The following DPP6 variants were observed in gnomAD, a reference collection of about 807,000 sequenced individuals.
DPP6 encodes dipeptidyl peptidase like 6, also known as A-type potassium channel modulatory protein DPP6.
Under a neutral mutation model 122.6 loss-of-function variants are expected in DPP6, and 69 were observed. The ratio of observed to expected loss-of-function variants is 0.56; its 90% CI spans 0.46 to 0.69. DPP6 has a LOEUF of 0.69. Ranked by LOEUF, DPP6 falls within the 30% of genes least tolerant of loss-of-function variation. The probability of loss-of-function intolerance (pLI) is 0.00; values close to 1 mark genes in which losing one functional copy is unlikely to be tolerated. For missense variants in DPP6, 928 were observed against 1,116.9 expected (o/e 0.83, Z 2.41); for synonymous variants, 418 against 433.1 (o/e 0.97, Z 0.43).
At chr7:154,751,033 C>T (rs1843354514) in intron 8 of DPP6, among the ~76,000 whole-genome samples, 1 of 152,200 alleles carries the variant, frequency 6.6e-6, no homozygotes, top group Non-Finnish European at 1.5e-5. Context: ...TGGGCAAGTA[C>T]TCACAGTGCC....
At chr7:154,263,911 G>C (rs1803198983) in intron 1 of DPP6, among the ~76,000 whole-genome samples, 1 of 152,004 alleles carries the variant, frequency 6.6e-6, no homozygotes, top group East Asian at 1.9e-4. Flanking sequence ...GGCTGGTCTT[G>C]AACTCCCGAC....
chr7:154,300,484 T>C (rs911394093), intron 1 of DPP6, among the ~76,000 whole-genome samples: 1 of 152,196 alleles, frequency 6.6e-6, no homozygotes. Context: ...AGAGTCAAGG[T>C]CATAGCAAGA....
intron 5 of DPP6, among the ~76,000 whole-genome samples, chr7:154,574,948 GTGA>G (rs1241940728): frequency 6.9e-6 from 1 of 144,728 alleles, no homozygotes; most frequent in Non-Finnish European, 1.5e-5. Context: ...TTGTGTGTGT[GTGA>G]TGTGTGTTTT....
At chr7:154,778,036 T>A (rs1796693537) in intron 10 of DPP6, among the ~76,000 whole-genome samples, 1 of 152,198 alleles carries the variant, frequency 6.6e-6, no homozygotes, top group Non-Finnish European at 1.5e-5. Flanking sequence ...CTTTAGTCCC[T>A]ACTCCCATGC....
At chr7:154,534,927 A>T (rs1000702908) in intron 3 of DPP6, among the ~76,000 whole-genome samples, 29 of 152,138 alleles carry the variant, frequency 1.9e-4, no homozygotes, top group Non-Finnish European at 4.3e-4. Flanking sequence ...AAAAAGTAAA[A>T]CAAAGTTTGA....
chr7:154,649,710 G>T (rs536011428), intron 6 of DPP6, among the ~76,000 whole-genome samples: 26 of 152,322 alleles, frequency 1.7e-4, no homozygotes, highest in African/African-American at 6.3e-4. Context: ...ATGGGGGATG[G>T]TGTCCGGCCT....
chr7:153,938,591 A>G (rs1488549363), intron 1 of DPP6, among the ~76,000 whole-genome samples: 3 of 152,226 alleles, frequency 2.0e-5, no homozygotes, highest in South Asian at 4.1e-4. Context: ...CGTTCATTAC[A>G]TGCATGTGAG....
At chr7:154,695,278 G>A (rs536875369) in intron 7 of DPP6, among the ~76,000 whole-genome samples, 2 of 152,136 alleles carry the variant, frequency 1.3e-5, no homozygotes, top group Non-Finnish European at 2.9e-5. Context: ...AGGGCTGTGA[G>A]GGAACTAGGT....
chr7:154,493,377 G>A (rs1824457000), intron 3 of DPP6, among the ~76,000 whole-genome samples: 2 of 152,164 alleles, frequency 1.3e-5, no homozygotes, highest in African/African-American at 4.8e-5. Context: ...ACTTTCCGTG[G>A]TTCAGTGAGA....
At chr7:154,586,306 C>T (rs1252679966) in intron 5 of DPP6, among the ~76,000 whole-genome samples, 1 of 152,120 alleles carries the variant, frequency 6.6e-6, no homozygotes, top group Non-Finnish European at 1.5e-5. Flanking sequence ...GAACTTATTG[C>T]CTTGAGACAG....
chr7:154,203,888 A>T (rs1799300938), intron 1 of DPP6, among the ~76,000 whole-genome samples: 2 of 152,296 alleles, frequency 1.3e-5, no homozygotes, highest in African/African-American at 2.4e-5. Context: ...AGGCAGTAAC[A>T]TCTATTTTTG....
chr7:154,420,656 TTAA>T (rs1817395908), intron 1 of DPP6, among the ~76,000 whole-genome samples: 8 of 152,154 alleles, frequency 5.3e-5, no homozygotes, highest in Admixed American at 5.2e-4. Flanking sequence ...GTAACTATAG[TTAA>T]TAATAATGTG....
intron 8 of DPP6, among the ~76,000 whole-genome samples, chr7:154,751,850 T>C (rs1034774468): frequency 6.6e-6 from 1 of 151,888 alleles, no homozygotes; most frequent in African/African-American, 2.4e-5. Flanking sequence ...GGGGGGTCCC[T>C]CTGGGATGTG....
chr7:154,886,798 G>A (rs559680051), intron 22 of DPP6, among the ~76,000 whole-genome samples: 10 of 152,292 alleles, frequency 6.6e-5, no homozygotes, highest in Non-Finnish European at 1.5e-4. Flanking sequence ...ACACCGCCCA[G>A]CAAGGCAGGG....
chr7:153,878,366 T>C, the DPP6 span, among the ~76,000 whole-genome samples: 1 of 149,848 alleles, frequency 6.7e-6, no homozygotes, highest in Admixed American at 6.7e-5. Context: ...TTTATGTTAG[T>C]GCCTATCCAA....
At chr7:154,611,738 G>A (rs1447585348) in intron 5 of DPP6, among the ~76,000 whole-genome samples, 1 of 152,176 alleles carries the variant, frequency 6.6e-6, no homozygotes, top group Non-Finnish European at 1.5e-5. Flanking sequence ...AAGATCCCAT[G>A]TACTCTTTGC....
chr7:154,878,106 C>A (rs1245338587), intron 20 of DPP6, among the ~76,000 whole-genome samples: 2 of 152,194 alleles, frequency 1.3e-5, no homozygotes, highest in Non-Finnish European at 2.9e-5. Flanking sequence ...TTCCTCACCC[C>A]ACCTGCTCTA....
In DPP6 at chr7:154,728,770, A is replaced by G. The variant is rs138931436; in HGVS notation, c.883+883A>G. 4.6e-3 allele frequency among the ~76,000 whole-genome samples: 698 copies of G among 152,332 alleles called. 1 individual carries two copies. Among genetic ancestry groups the G allele is most frequent in the Non-Finnish European group, 7.3e-3 (495 of 68,030 alleles). Reference sequence around the variant, plus strand: ...TGAGGGCTCTCCTCCTCACTTGTACATGGCTGTCTTCTTATGTCCTCACCT... The same window carrying G: ...TGAGGGCTCTCCTCCTCACTTGTACGTGGCTGTCTTCTTATGTCCTCACCT... On this transcript the variant is annotated intron_variant, in intron 8 of 25. Transcript: ENST00000377770.
At chr7:154,559,285 A>C (rs958584701) in intron 4 of DPP6, among the ~76,000 whole-genome samples, 22 of 150,670 alleles carry the variant, frequency 1.5e-4, no homozygotes, top group South Asian at 4.2e-4. Flanking sequence ...AAAAAAAAAA[A>C]CCCCTAAATT....
Sources: allele counts gnomAD v4.1 joint callset (sites outside exome capture counted in the v4.1 genomes callset), GRCh38; gene constraint gnomAD v4.1.1; transcripts MANE v1.5; gene names NCBI Gene and HGNC (gene_info 2026-07-23, HGNC 2026-07-21).